Variants in STPG2 observed in about 807,000 individuals in gnomAD.
STPG2 encodes sperm-tail PG-rich repeat-containing protein 2.
STPG2 carries 56 observed loss-of-function variants against 54.2 expected under a neutral mutation model. The observed-to-expected ratio is 1.03, with a 90% confidence interval of 0.83 to 1.29. STPG2 has a LOEUF of 1.29. Ranked by LOEUF, STPG2 falls within the 50% of genes most tolerant of loss-of-function variation. STPG2 has a pLI of 0.00. For synonymous variants in STPG2, 200 were observed against 181.8 expected, an observed-to-expected ratio of 1.10 and a Z score of -0.81; for missense variants, 596 against 544.9, an observed-to-expected ratio of 1.09 and a Z score of -0.93.
intron 10 of STPG2, among the ~76,000 whole-genome samples, 175 bp downstream of exon 10, chr4:97,712,520 TTAAA>T (rs1243047671): frequency 1.3e-5 from 2 of 152,164 alleles, no homozygotes; most frequent in Admixed American, 6.5e-5. Flanking sequence ...TCTTAAATTC[TTAAA>T]TAATTCTTTT....
intron 7 of STPG2, among the ~76,000 whole-genome samples, chr4:97,955,760 A>T (rs960996316): frequency 2.6e-5 from 4 of 152,210 alleles, no homozygotes; most frequent in African/African-American, 9.6e-5. Flanking sequence ...CAAAGACAAT[A>T]TCTCTGGAAG....
chr4:97,481,480 C>A (rs1011453717), intron 4 of STPG2, among the ~76,000 whole-genome samples: 1 of 151,522 alleles, frequency 6.6e-6, no homozygotes, highest in Non-Finnish European at 1.5e-5. Context: ...ATCTTCTAAT[C>A]TATTAATAAA....
intron 7 of STPG2, among the ~76,000 whole-genome samples, chr4:97,967,409 G>T (rs182648227): frequency 6.6e-6 from 1 of 152,128 alleles, no homozygotes; most frequent in Non-Finnish European, 1.5e-5. Flanking sequence ...AATAATAATG[G>T]GAGACTTGAA....
intron 9 of STPG2, among the ~76,000 whole-genome samples, chr4:97,714,382 A>T (rs2149009668): frequency 6.6e-6 from 1 of 152,274 alleles, no homozygotes; most frequent in South Asian, 2.1e-4. Flanking sequence ...ATAGTATCTA[A>T]AGTTCCTTGT....
chr4:98,010,707 T>C (rs1184073888), intron 5 of STPG2, among the ~76,000 whole-genome samples: 2 of 152,276 alleles, frequency 1.3e-5, no homozygotes, highest in East Asian at 3.9e-4. Flanking sequence ...GTAGAATCCA[T>C]TGTTTCTTTC....
intron 5 of STPG2, chr4:98,025,574 A>T: frequency 1.4e-6 from 1 of 733,828 alleles, no homozygotes; most frequent in Non-Finnish European, 2.5e-6. Flanking sequence ...CATTTGTCAG[A>T]TTGCTTATGC....
At chr4:97,745,264 A>AAAAAAAAAAAAAAAAC (rs1725388104) in intron 9 of STPG2, among the ~76,000 whole-genome samples, 1 of 123,990 alleles carries the variant, frequency 8.1e-6, no homozygotes, top group Non-Finnish European at 1.6e-5. Context: ...ACAAAAAAAC[A>AAAAAAAAAAAAAAAAC]AAAAAAAAAA....
chr4:97,683,640 C>CA (rs1195041013), intron 10 of STPG2, among the ~76,000 whole-genome samples: 2 of 151,588 alleles, frequency 1.3e-5, no homozygotes, highest in Admixed American at 6.6e-5. Flanking sequence ...ATAACATCTA[C>CA]AAAAAACCAA....
intron 4 of STPG2, among the ~76,000 whole-genome samples, chr4:97,529,109 G>T (rs1207995666): frequency 6.6e-6 from 1 of 152,150 alleles, no homozygotes; most frequent in Non-Finnish European, 1.5e-5. Flanking sequence ...GTATGATATT[G>T]GCTATGGGTT....
chr4:97,507,897 T>C (rs1471731798), intron 4 of STPG2, among the ~76,000 whole-genome samples: 2 of 152,042 alleles, frequency 1.3e-5, no homozygotes, highest in African/African-American at 2.4e-5. Flanking sequence ...AAAGATTTTA[T>C]TGGGGTTGTA....
intron 9 of STPG2, among the ~76,000 whole-genome samples, chr4:97,837,763 A>G (rs1322869235): frequency 6.6e-6 from 1 of 151,666 alleles, no homozygotes; most frequent in Non-Finnish European, 1.5e-5. Flanking sequence ...AACCATTTTC[A>G]TATTTCTAAA....
At position 97,566,642 on chromosome 4, in the gene STPG2, A is replaced by T. The variant is rs1208303159; in HGVS notation, c.1321-7525T>A. Among the ~76,000 whole-genome samples, 4 of 152,124 alleles carry T rather than the reference A, an allele frequency of 2.6e-5. No homozygotes were observed. The East Asian group carries it at 7.7e-4, about 29-fold the overall frequency. On this transcript the variant is annotated intron_variant, in intron 10 of 10. Coordinates refer to ENST00000295268, the MANE Select transcript of STPG2 (RefSeq NM_174952.3). ...GACTTGGAACCAACCCAAATGTCCA[A>T]CAATGATAGACTGGATTAAGAAAAT...
intron 8 of STPG2, among the ~76,000 whole-genome samples, chr4:97,935,098 C>G (rs934578788): frequency 1.3e-5 from 2 of 152,106 alleles, no homozygotes; most frequent in Non-Finnish European, 2.9e-5. Flanking sequence ...GTGTATGTGT[C>G]CAGGAATTCA....
intron 1 of STPG2, among the ~76,000 whole-genome samples, chr4:98,139,195 T>C (rs1239418570): frequency 6.6e-6 from 1 of 152,186 alleles, no homozygotes; most frequent in Non-Finnish European, 1.5e-5. Context: ...GTAGGAGAGA[T>C]TCTCCCTGAT....
At chr4:97,577,923 C>T (rs1732763539) in intron 10 of STPG2, among the ~76,000 whole-genome samples, 1 of 151,880 alleles carries the variant, frequency 6.6e-6, no homozygotes, top group East Asian at 1.9e-4. Flanking sequence ...AATTATAATC[C>T]AAAATATACT....
intron 4 of STPG2, among the ~76,000 whole-genome samples, chr4:97,540,678 T>A (rs1298873082): frequency 2.0e-5 from 3 of 152,074 alleles, no homozygotes; most frequent in African/African-American, 7.2e-5. Flanking sequence ...AACAGAGAAT[T>A]TTAGACCAAT....
chr4:97,972,535 TA>T (rs1257605558), intron 6 of STPG2, 95 bp from the exon 7 acceptor site: 4 of 701,822 alleles, frequency 5.7e-6, no homozygotes, highest in Non-Finnish European at 8.4e-6. Flanking sequence ...TTTTTCTAAA[TA>T]AAAAACCCTC....
intron 5 of STPG2, among the ~76,000 whole-genome samples, chr4:98,023,427 G>C (rs1022358236): frequency 6.6e-6 from 1 of 152,216 alleles, no homozygotes; most frequent in African/African-American, 2.4e-5. Flanking sequence ...GGCCGTGTGA[G>C]GTGTCAATCT....
chr4:97,798,412 C>T (rs1041551084), intron 9 of STPG2, among the ~76,000 whole-genome samples: 1 of 152,142 alleles, frequency 6.6e-6, no homozygotes, highest in Non-Finnish European at 1.5e-5. Flanking sequence ...CAAAGAACAT[C>T]TTGATTTCTG....
Sources: gnomAD v4.1 joint callset for allele counts (sites outside exome capture counted in the v4.1 genomes callset) on GRCh38, gnomAD v4.1.1 for gene constraint, MANE v1.5 for transcripts, NCBI Gene and HGNC (gene_info 2026-07-23, HGNC 2026-07-21) for gene names.